PCDHGB3: variants seen among roughly 807,000 people sequenced by gnomAD.
PCDHGB3 encodes the protein protocadherin gamma subfamily B, 3.
In PCDHGB3, 40 loss-of-function variants were observed where a neutral mutation model predicts 59.2. That is an observed-to-expected ratio of 0.68 (90% CI 0.52 to 0.88). The LOEUF (loss-of-function observed/expected upper bound fraction) is 0.88, where lower values mean the gene tolerates loss of function less well. PCDHGB3 is among the 40% of genes least tolerant of loss of function. PCDHGB3 has a pLI of 0.00. For missense variants in PCDHGB3, 1,309 were observed against 1,187.9 expected, an observed-to-expected ratio of 1.10 and a Z score of -1.50; for synonymous variants, 581 against 503.6, an observed-to-expected ratio of 1.15 and a Z score of -2.06.
intron 1 of PCDHGB3, among the ~76,000 whole-genome samples, chr5:141,463,380 A>G (rs994170903): frequency 2.0e-5 from 3 of 149,876 alleles, no homozygotes; most frequent in Admixed American, 6.7e-5. Context: ...ACAGTCTGAA[A>G]GTTGTCTCCA....
chr5:141,389,078 C>T, intron 1 of PCDHGB3: 1 of 1,614,002 alleles, frequency 6.2e-7, no homozygotes, highest in Non-Finnish European at 8.5e-7. Flanking sequence ...CTTCAAGAAA[C>T]ACGTATAAAT....
chr5:141,398,684 A>G (rs752285568), intron 1 of PCDHGB3: 1 of 1,613,958 alleles, frequency 6.2e-7, no homozygotes, highest in Admixed American at 1.7e-5. Context: ...AAGGAGAAAC[A>G]GGATGGTAGT....
intron 1 of PCDHGB3, chr5:141,399,447 C>CAT: frequency 6.2e-7 from 1 of 1,614,006 alleles, no homozygotes; most frequent in Non-Finnish European, 8.5e-7. Flanking sequence ...ATATCAGAGA[C>CAT]GTCAACGATA....
At position 141,511,520 on chromosome 5, in the gene PCDHGB3, A is replaced by C; in HGVS notation, c.*347A>C. On this transcript the variant is annotated 3_prime_UTR_variant, in exon 4 of 4. Coordinates refer to ENST00000576222, the MANE Select transcript of PCDHGB3 (RefSeq NM_018924.5). Reference sequence around the variant, plus strand: ...CAAATCAATCAGGCCCATCCATCCCATGCCTCCCTCCTCCCCACCCCACTC... The same window carrying C: ...CAAATCAATCAGGCCCATCCATCCCCTGCCTCCCTCCTCCCCACCCCACTC... The C allele has an allele frequency of 2.8e-6, 1 of 358,498 alleles. No homozygotes were observed. Among genetic ancestry groups the C allele is most frequent in the Non-Finnish European group, 5.3e-6 (1 of 189,848 alleles). 22.2% of individuals were successfully genotyped at this position (358,498 alleles called of 1,614,324 possible).
At chr5:141,421,930 G>A (rs780569992) in intron 1 of PCDHGB3, 1 of 1,613,480 alleles carries the variant, frequency 6.2e-7, no homozygotes, top group Non-Finnish European at 8.5e-7. Flanking sequence ...GGTGGTCCTC[G>A]ATGTAAATGA....
intron 1 of PCDHGB3, chr5:141,388,588 C>T: frequency 6.2e-7 from 1 of 1,613,876 alleles, no homozygotes; most frequent in Non-Finnish European, 8.5e-7. Context: ...GTGACTGATG[C>T]CAATGATAAT....
intron 1 of PCDHGB3, chr5:141,383,684 T>A: frequency 4.3e-6 from 7 of 1,614,014 alleles, no homozygotes; most frequent in Non-Finnish European, 5.9e-6. Context: ...ACAAGACTGC[T>A]CACGGTACAT....
chr5:141,376,676 G>GTGTTTTTTT (rs1773033495), intron 1 of PCDHGB3: 1 of 275,812 alleles, frequency 3.6e-6, no homozygotes, highest in African/African-American at 3.7e-5. Flanking sequence ...TGAGGGTATC[G>GTGTTTTTTT]TTTTTTTTTT....
At chr5:141,504,666 G>T (rs2099839952) in intron 2 of PCDHGB3, among the ~76,000 whole-genome samples, 1 of 107,242 alleles carries the variant, frequency 9.3e-6, no homozygotes, top group South Asian at 3.6e-4. Context: ...AGGGCGGGGG[G>T]TGGGGGTTCT....
chr5:141,404,540 A>G, intron 1 of PCDHGB3: 2 of 1,613,920 alleles, frequency 1.2e-6, no homozygotes, highest in Non-Finnish European at 1.7e-6. Context: ...AGATTTGCAA[A>G]TGCAGGTGAC....
In PCDHGB3 at chr5:141,383,143, G is replaced by T. The variant is rs371358932; in HGVS notation, c.2415+10334G>T. 1.9e-5 allele frequency: 30 copies of T among 1,614,090 alleles called. No homozygotes were observed. The African/African-American group carries it at 3.1e-4, about 16-fold the overall frequency. ...GCTTTTCGCCCTGAACCAGCGCAGC[G>T]GCAGCTTGGTCACTGCGGGCAGGAT... On this transcript the variant is annotated intron_variant, in intron 1 of 3. Coordinates refer to ENST00000576222, the MANE Select transcript of PCDHGB3 (RefSeq NM_018924.5).
chr5:141,489,546 C>T lies in PCDHGB3; in HGVS notation c.2416-5261C>T, dbSNP rs1404605129. ...GCCTATGTGGAGCCAGCACCAGCTGCCTGCTGCCAGTGCAGGTGGTGACTG... is the reference window on the plus strand; with the variant it reads ...GCCTATGTGGAGCCAGCACCAGCTGTCTGCTGCCAGTGCAGGTGGTGACTG... On this transcript the variant is annotated intron_variant, in intron 1 of 3. Coordinates refer to ENST00000576222, the MANE Select transcript of PCDHGB3 (RefSeq NM_018924.5). The surrounding 1 kb of genome is among the most constrained non-coding windows in gnomAD (Gnocchi z 4.5). 2 of 1,614,076 alleles carry T rather than the reference C, an allele frequency of 1.2e-6. No homozygotes were observed. The highest frequency in any genetic ancestry group is 2.2e-5 in the East Asian group (1 of 44,868).
At chr5:141,415,264 C>G (rs1342050986) in intron 1 of PCDHGB3, 2 of 1,614,210 alleles carry the variant, frequency 1.2e-6, no homozygotes, top group Non-Finnish European at 1.7e-6. Flanking sequence ...CACTCTGTAC[C>G]TGGTGGTAGC....
chr5:141,399,546 G>A, intron 1 of PCDHGB3: 1 of 1,614,032 alleles, frequency 6.2e-7, no homozygotes, highest in Non-Finnish European at 8.5e-7. Context: ...TCTGCGCCTC[G>A]GACCTGGACT....
At chr5:141,385,397 A>T (rs1023066700) in intron 1 of PCDHGB3, 2 of 1,492,858 alleles carry the variant, frequency 1.3e-6, no homozygotes, top group Non-Finnish European at 1.8e-6. Flanking sequence ...TGCAAAACAA[A>T]TGTTTTGAAA....
At chr5:141,441,196 G>C (rs575668023) in intron 1 of PCDHGB3, 2 of 152,266 alleles carry the variant, frequency 1.3e-5, no homozygotes, top group East Asian at 3.9e-4. Flanking sequence ...GATTCCCAAA[G>C]ATTCTGCACC....
In PCDHGB3 at chr5:141,486,407, C is replaced by A; in HGVS notation, c.2416-8400C>A. The A allele has an allele frequency of 6.2e-7, 1 of 1,614,134 alleles. No homozygotes were observed. The highest frequency in any genetic ancestry group is 8.5e-7 in the Non-Finnish European group (1 of 1,180,000). On this transcript the variant is annotated intron_variant, in intron 1 of 3. Transcript: ENST00000576222. This position sits in a 1 kb window ranked among gnomAD's most constrained non-coding sequence, Gnocchi z 5.0. Reference sequence around the variant, plus strand: ...CCAGTTCTCCCTGGTGACTGCTGGACCCTTGGATCGAGAGGCCAAATCTAG... The same window carrying A: ...CCAGTTCTCCCTGGTGACTGCTGGAACCTTGGATCGAGAGGCCAAATCTAG...
At chr5:141,420,530 A>G (rs1038635436) in intron 1 of PCDHGB3, 9 of 336,858 alleles carry the variant, frequency 2.7e-5, no homozygotes, top group African/African-American at 6.4e-5. Flanking sequence ...CCTTTCGGTT[A>G]AAAATATAAA....
intron 1 of PCDHGB3, chr5:141,413,768 TG>T (rs1158107882): frequency 2.5e-6 from 4 of 1,613,132 alleles, no homozygotes; most frequent in Non-Finnish European, 3.4e-6. Context: ...TACCCGGAGC[TG>T]GTACTGGAGC....
Sources: allele counts gnomAD v4.1 joint callset (sites outside exome capture counted in the v4.1 genomes callset), GRCh38; gene constraint gnomAD v4.1.1; non-coding constraint Gnocchi (gnomAD v3.1); transcripts MANE v1.5; gene names NCBI Gene and HGNC (gene_info 2026-07-23, HGNC 2026-07-21).